The following CHP2 variants were observed in gnomAD, a reference collection of about 807,000 sequenced individuals.
The protein encoded by CHP2 is calcineurin B homologous protein 2.
In CHP2, 31 loss-of-function variants were observed where a neutral mutation model predicts 24.7. The observed-to-expected ratio is 1.26, with a 90% CI of 0.94 to 1.69. The LOEUF (loss-of-function observed/expected upper bound fraction) is 1.69. CHP2 is among the 40% of genes most tolerant of loss of function. The pLI is 0.00. For synonymous variants in CHP2, 97 were observed against 99.1 expected (o/e 0.98, Z 0.13); for missense variants, 319 against 261.5 (o/e 1.22, Z -1.52).
In CHP2 at chr16:23,757,523, C is replaced by G. The variant is rs527349622; in HGVS notation, c.538-7C>G. On this transcript the variant is annotated splice_region_variant and splice_polypyrimidine_tract_variant and intron_variant, in intron 6 of 6. Coordinates refer to ENST00000300113, the MANE Select transcript of CHP2 (RefSeq NM_022097.4). ...AGCCTCTTGCCTGCCATTTGTTTTT[C>G]CCTCAGTCCTTAGAGAAGATGGACG... The G allele has an allele frequency of 1.9e-6, 3 of 1,613,756 alleles. No homozygotes were observed. Among genetic ancestry groups the G allele is most frequent in the Non-Finnish European group, 2.5e-6 (3 of 1,179,842 alleles).
At chr16:23,755,142 C>T (rs1368833143) in intron 1 of CHP2, 26 bp downstream of exon 1, 4 of 1,568,344 alleles carry the variant, frequency 2.6e-6, no homozygotes, top group East Asian at 2.3e-5. Flanking sequence ...TCGGCGGCTG[C>T]GGAGGGGACG....
intron 1 of CHP2, chr16:23,755,330 G>A: frequency 1.7e-6 from 1 of 595,028 alleles, no homozygotes; most frequent in Middle Eastern, 4.4e-4. Flanking sequence ...GAGGATCCGG[G>A]TTCACGGGGT....
chr16:23,755,230 C>A, intron 1 of CHP2, 114 bp downstream of exon 1: 3 of 737,324 alleles, frequency 4.1e-6, no homozygotes, highest in South Asian at 1.8e-5. Context: ...GGGTCCGGGG[C>A]TCCCCGGAGC....
chr16:23,755,114 G>T lies in CHP2; in HGVS notation c.65G>T (p.Gly22Val), dbSNP rs766606224. The T allele has an allele frequency of 6.3e-6, 10 of 1,599,614 alleles. No individual in the cohort carries two copies. In the East Asian group the frequency reaches 1.4e-4, roughly 22 times the overall value. Residue 22 changes from glycine (G) to valine (V), a missense_variant and splice_region_variant, in exon 1 of 7, where the codon GGC becomes GTC. Gly to Val is a moderately radical substitution (Grantham distance 109). Coordinates refer to ENST00000300113, the MANE Select transcript of CHP2 (RefSeq NM_022097.4). ...PDGDSIRRET[G>V]FSQASLLRLH... ...GGGGACAGTATTCGGCGAGAGACCGGCTGTGAGTGCGCCCGCGTCGGCGGC... is the reference window on the plus strand; with the variant it reads ...GGGGACAGTATTCGGCGAGAGACCGTCTGTGAGTGCGCCCGCGTCGGCGGC...
chr16:23,756,177 A>C lies in CHP2; in HGVS notation c.336A>C (p.Arg112Ser). The C allele has an allele frequency of 6.2e-7, 1 of 1,614,036 alleles. No individual in the cohort carries two copies. The highest frequency in any genetic ancestry group is 8.5e-7 in the Non-Finnish European group (1 of 1,180,022). The change falls in exon 4 of 7, where the codon AGA becomes AGC. Residue 112 changes from arginine (R) to serine (S), a missense_variant. Coordinates refer to ENST00000300113, the MANE Select transcript of CHP2 (RefSeq NM_022097.4). Reference sequence around the variant, plus strand: ...AGAAACCTGAACCTCTCAACAGCAGAAGGAACAAACTTCACTGTGAGTTTG... The same window carrying C: ...AGAAACCTGAACCTCTCAACAGCAGCAGGAACAAACTTCACTGTGAGTTTG... ...DPKKPEPLNS[R>S]RNKLHYAFQL...
Position 23,755,944 on chromosome 16 carries a change from G to A in CHP2, c.221+17G>A, listed in dbSNP as rs757218305. 6.2e-6 allele frequency: 10 copies of A among 1,614,006 alleles called. No individual in the cohort carries two copies. Among genetic ancestry groups the A allele is most frequent in the East Asian group, 4.5e-5 (2 of 44,894 alleles). Reference sequence around the variant, plus strand: ...CCCCGATGGGTGAGGCTTGCTGGGCGTGGGGAGGTGAAGGCGGGAAAACCG... The same window carrying A: ...CCCCGATGGGTGAGGCTTGCTGGGCATGGGGAGGTGAAGGCGGGAAAACCG... On this transcript the variant is annotated intron_variant, in intron 3 of 6. Coordinates refer to ENST00000300113, the MANE Select transcript of CHP2 (RefSeq NM_022097.4).
At position 23,758,307 on chromosome 16, in the gene CHP2, G is replaced by A. The variant is rs184729895; in HGVS notation, c.*724G>A. 2.0e-5 allele frequency: 3 copies of A among 152,372 alleles called. No homozygotes were observed. Among genetic ancestry groups the A allele is most frequent in the East Asian group, 3.9e-4 (2 of 5,192 alleles). The allele number at this position is 152,372 out of a possible 1,614,324, so 9.4% of individuals were successfully genotyped here. On this transcript the variant is annotated 3_prime_UTR_variant, in exon 7 of 7. Coordinates refer to ENST00000300113, the MANE Select transcript of CHP2 (RefSeq NM_022097.4). Reference sequence around the variant, plus strand: ...CAAATCACTGAAAACCCAACTCAAAGTGACTTAAGTCAGAAAGAAATTTTA... The same window carrying A: ...CAAATCACTGAAAACCCAACTCAAAATGACTTAAGTCAGAAAGAAATTTTA...
Position 23,755,849 on chromosome 16 carries a change from G to A in CHP2, c.143G>A (p.Arg48His), listed in dbSNP as rs147617371. The change falls in exon 3 of 7, where the codon CGC becomes CAC. Residue 48 changes from arginine to histidine, a missense_variant and splice_region_variant. By Grantham distance (29) the Arg-to-His change is conservative (BLOSUM62 0). Transcript: ENST00000300113. ...LDRNKKGYLS[R>H]MDLQQIGALA... ...CTCTTTGAAATTTGGCTTTGCAGCCGCATGGATCTCCAGCAGATAGGGGCG... is the reference window on the plus strand; with the variant it reads ...CTCTTTGAAATTTGGCTTTGCAGCCACATGGATCTCCAGCAGATAGGGGCG... 402 of 1,614,142 alleles carry A rather than the reference G, an allele frequency of 2.5e-4. 1 individual carries two copies. The African/African-American group carries it at 4.4e-3, about 18-fold the overall frequency.
intron 6 of CHP2, 36 bp downstream of exon 6, chr16:23,757,359 A>G: frequency 1.9e-6 from 3 of 1,598,716 alleles, no homozygotes; most frequent in Non-Finnish European, 2.6e-6. Context: ...AGTTGAGATC[A>G]GGAGTTCTGG....
intron 5 of CHP2, 78 bp downstream of exon 5, chr16:23,756,527 G>GGGATGATTGGGGAACTGGGGCGC (rs1961228572): frequency 2.4e-6 from 3 of 1,230,012 alleles, no homozygotes; most frequent in Non-Finnish European, 3.6e-6. Flanking sequence ...GAGATGGGGT[G>GGGATGATTGGGGAACTGGGGCGC]GGATGATTGG....
rs1386010995 is a variant in CHP2, at chr16:23,755,720, A to C, written c.127A>C (p.Lys43Gln). The C allele has an allele frequency of 1.2e-6, 2 of 1,614,010 alleles. No individual in the cohort carries two copies. The highest frequency in any genetic ancestry group is 1.7e-6 in the Non-Finnish European group (2 of 1,180,034). Residue 43 changes from lysine to glutamine, a missense_variant, in exon 2 of 7, where the codon AAG (lysine) becomes CAG (glutamine). By Grantham distance (53) the Lys-to-Gln change is moderately conservative (BLOSUM62 1). Coordinates refer to ENST00000300113, the MANE Select transcript of CHP2 (RefSeq NM_022097.4). The stretch of plus-strand genomic sequence containing the variant: ...GTTCCGGGCACTGGACAGGAATAAG[A>C]AGGGCTACCTGAGGTGAGGGGGAGC... ...HRFRALDRNK[K>Q]GYLSRMDLQQ...
Position 23,756,309 on chromosome 16 carries a change from G to C in CHP2, c.353-79G>C, listed in dbSNP as rs374247285. ...ATTGACAACCTCCCCCCTCCTCCAA[G>C]GTGGGGGGAAGGAAGGTGGCTGCTG... On this transcript the variant is annotated intron_variant, in intron 4 of 6. Transcript: ENST00000300113. 4.6e-3 allele frequency: 7,233 copies of C among 1,587,290 alleles called. 30 individuals are homozygous for C. Among genetic ancestry groups the C allele is most frequent in the Non-Finnish European group, 5.7e-3 (6,646 of 1,158,968 alleles).
chr16:23,755,818 C>T (rs747246009), intron 2 of CHP2, 29 bp from the exon 3 acceptor site: 38 of 1,613,928 alleles, frequency 2.4e-5, no homozygotes, highest in Non-Finnish European at 3.0e-5. Context: ...GCATCTCTGC[C>T]TTACCCTCTT....
In CHP2 at chr16:23,755,933, G is replaced by C; in HGVS notation, c.221+6G>C. 1 of 1,614,184 alleles carries C rather than the reference G, an allele frequency of 6.2e-7. No individual in the cohort carries two copies. The highest frequency in any genetic ancestry group is 8.5e-7 in the Non-Finnish European group (1 of 1,180,014). The stretch of plus-strand genomic sequence containing the variant: ...GAAAGCTTCTTCCCCGATGGGTGAG[G>C]CTTGCTGGGCGTGGGGAGGTGAAGG... On this transcript the variant is annotated splice_donor_region_variant and intron_variant, in intron 3 of 6. Coordinates refer to ENST00000300113, the MANE Select transcript of CHP2 (RefSeq NM_022097.4).
chr16:23,755,741 G>C lies in CHP2; in HGVS notation c.140+8G>C, dbSNP rs1243876791. ...TAAGAAGGGCTACCTGAGGTGAGGG[G>C]GAGCCGGCCTCATAACTTCTGGCCT... On this transcript the variant is annotated splice_region_variant and intron_variant, in intron 2 of 6. Coordinates refer to ENST00000300113, the MANE Select transcript of CHP2 (RefSeq NM_022097.4). 2 of 1,614,078 alleles carry C rather than the reference G, an allele frequency of 1.2e-6. No individual in the cohort carries two copies. The highest frequency in any genetic ancestry group is 1.7e-5 in the Admixed American group (1 of 60,028).
Position 23,757,696 on chromosome 16 carries a change from C to A in CHP2, c.*113C>A. The stretch of plus-strand genomic sequence containing the variant: ...CAATAAACTGTATTTTCGTTTCTAA[C>A]TCTATTTAGGGCCAAGAGAAGAAAG... On this transcript the variant is annotated 3_prime_UTR_variant, in exon 7 of 7. Coordinates refer to ENST00000300113, the MANE Select transcript of CHP2 (RefSeq NM_022097.4). The A allele has an allele frequency of 2.1e-6, 2 of 975,000 alleles. No individual in the cohort carries two copies. Among genetic ancestry groups the A allele is most frequent in the Non-Finnish European group, 3.3e-6 (2 of 600,208 alleles). The allele number at this position is 975,000 out of a possible 1,614,324, so 60.4% of individuals were successfully genotyped here.
Position 23,757,903 on chromosome 16 carries a change from C to G in CHP2, c.*320C>G. 2.5e-6 allele frequency: 1 copy of G among 398,332 alleles called. No individual in the cohort carries two copies. The highest frequency in any genetic ancestry group is 6.2e-5 in the East Asian group (1 of 16,038). 24.7% of individuals were successfully genotyped at this position (398,332 alleles called of 1,614,324 possible). A position where few individuals can be genotyped will look rare whatever the true frequency, so the allele number is the denominator to read the frequency against. On this transcript the variant is annotated 3_prime_UTR_variant, in exon 7 of 7. Transcript: ENST00000300113. ...TATATAATGAAATAATTATACAACTCACCATAATGTAGAATCAGCAGGAGC... is the reference window on the plus strand; with the variant it reads ...TATATAATGAAATAATTATACAACTGACCATAATGTAGAATCAGCAGGAGC...
At chr16:23,755,249 C>G (rs1378921447) in intron 1 of CHP2, 133 bp downstream of exon 1, 2 of 658,286 alleles carry the variant, frequency 3.0e-6, no homozygotes, top group African/African-American at 3.7e-5. Context: ...GCTGGAAGAC[C>G]AAGGCCCCTG....
chr16:23,756,878 C>G (rs1049134382), intron 5 of CHP2, among the ~76,000 whole-genome samples: 1 of 152,010 alleles, frequency 6.6e-6, no homozygotes, highest in Non-Finnish European at 1.5e-5. Flanking sequence ...AACTCTGGAA[C>G]AGATGTGATG....
Sources: allele counts gnomAD v4.1 joint callset (sites outside exome capture counted in the v4.1 genomes callset), GRCh38; gene constraint gnomAD v4.1.1; transcripts MANE v1.5; gene names NCBI Gene and HGNC (gene_info 2026-07-23, HGNC 2026-07-21).